IL16: variants seen among roughly 807,000 people sequenced by gnomAD.
IL16 encodes the protein interleukin 16, also known as pro-interleukin-16.
A neutral mutation model predicts 110.1 loss-of-function variants in IL16; 67 were observed. That is an observed-to-expected ratio of 0.61 (90% CI 0.50 to 0.75). The LOEUF is 0.75. Among genes scored for constraint, IL16 ranks in the 30% least tolerant of loss-of-function variants. The pLI is 0.00. For synonymous variants in IL16, 689 were observed against 662.9 expected, an observed-to-expected ratio of 1.04 and a Z score of -0.61; for missense variants, 1,545 against 1,655.0, an observed-to-expected ratio of 0.93 and a Z score of 1.15.
Position 81,300,230 on chromosome 15 carries a change from C to T in IL16, c.2904C>T (p.Pro968=), listed in dbSNP as rs148483108. 1.2e-6 allele frequency: 2 copies of T among 1,614,116 alleles called. No individual in the cohort carries two copies. The highest frequency in any genetic ancestry group is 1.3e-5 in the African/African-American group (1 of 74,932). ...CTAGCCAGCGAGCACGGAGCTTCCC[C>T]CTGACCAGGTCCCAGTCCTGTGAGA... ...KMPSQRARSF[P]LTRSQSCETK... is the part of the protein sequence containing the mutation. Residue 968 remains proline (P), a synonymous_variant, in exon 14 of 19, where the codon CCC becomes CCT. Coordinates refer to ENST00000683961, the MANE Select transcript of IL16 (RefSeq NM_172217.5).
At chr15:81,211,253 C>CTT (rs201687635) in intron 1 of IL16, among the ~76,000 whole-genome samples, 3 of 135,330 alleles carry the variant, frequency 2.2e-5, no homozygotes, top group Non-Finnish European at 3.2e-5. Flanking sequence ...TTTTTTCTTT[C>CTT]TTTTTTTTTT....
At chr15:81,233,024 GTATT>G (rs1224845190) in intron 2 of IL16, among the ~76,000 whole-genome samples, 1 of 152,072 alleles carries the variant, frequency 6.6e-6, no homozygotes, top group Non-Finnish European at 1.5e-5. Context: ...AATTATCACT[GTATT>G]TATTTAGTAG....
At chr15:81,214,797 T>C (rs538728735) in intron 1 of IL16, among the ~76,000 whole-genome samples, 67 of 152,328 alleles carry the variant, frequency 4.4e-4, no homozygotes, top group African/African-American at 1.6e-3. Context: ...ACTTTCATAA[T>C]TTTTAGAGAT....
At chr15:81,185,650 G>A (rs1183605685) in intron 1 of IL16, among the ~76,000 whole-genome samples, 1 of 152,100 alleles carries the variant, frequency 6.6e-6, no homozygotes, top group Non-Finnish European at 1.5e-5. Context: ...CACTGTGCTG[G>A]GCTCTGGGGA....
chr15:81,224,263 G>A (rs72744141), intron 1 of IL16, among the ~76,000 whole-genome samples: 5,023 of 152,266 alleles, frequency 0.033, 135 homozygotes, highest in Non-Finnish European at 0.052. Context: ...CTGGATGTGC[G>A]CAAACAGCAG....
chr15:81,204,982 G>A (rs1178956325), intron 1 of IL16, among the ~76,000 whole-genome samples: 1 of 151,958 alleles, frequency 6.6e-6, no homozygotes, highest in Non-Finnish European at 1.5e-5. Context: ...TCTCAGTGAC[G>A]GTTGTTAATA....
upstream of IL16, among the ~76,000 whole-genome samples, chr15:81,193,411 G>C (rs1225365836): frequency 1.3e-5 from 2 of 152,108 alleles, no homozygotes; most frequent in Non-Finnish European, 2.9e-5. Context: ...AATTCAAGGA[G>C]AAGTCCAGGC....
In IL16 at chr15:81,248,161, A is replaced by G. The variant is rs561803053; in HGVS notation, c.313-11611A>G. Reference sequence around the variant, plus strand: ...CAGTTATAATTTATATCCTGAGTTTATCTCTATTATTTTTGTTTGAATCTA... The same window carrying G: ...CAGTTATAATTTATATCCTGAGTTTGTCTCTATTATTTTTGTTTGAATCTA... On this transcript the variant is annotated intron_variant, in intron 2 of 18. Coordinates refer to ENST00000683961, the MANE Select transcript of IL16 (RefSeq NM_172217.5). 2.6e-5 allele frequency among the ~76,000 whole-genome samples: 4 copies of G among 152,240 alleles called. No individual in the cohort carries two copies. The South Asian group carries it at 8.3e-4, about 32-fold the overall frequency.
intron 15 of IL16, chr15:81,302,343 C>T (rs1900329750): frequency 1.3e-5 from 2 of 152,402 alleles, no homozygotes; most frequent in South Asian, 4.1e-4. Flanking sequence ...GGATCTTACT[C>T]AGTGCAAATG....
chr15:81,243,164 T>TATACATATATATA (rs60077602), intron 2 of IL16, among the ~76,000 whole-genome samples: 1 of 15,774 alleles, frequency 6.3e-5, no homozygotes, highest in Non-Finnish European at 1.1e-4. Flanking sequence ...TATATATATA[T>TATACATATATATA]TTTTTTTTTT....
At chr15:81,273,525 G>A (rs1012245403) in intron 6 of IL16, among the ~76,000 whole-genome samples, 2 of 152,002 alleles carry the variant, frequency 1.3e-5, no homozygotes, top group African/African-American at 2.4e-5. Context: ...CCATTCTCTC[G>A]GCTGTCTTTC....
Position 81,308,922 on chromosome 15 carries a change from T to A in IL16, c.*124T>A. 2 of 825,904 alleles carry A rather than the reference T, an allele frequency of 2.4e-6. No individual in the cohort carries two copies. 51.2% of individuals were successfully genotyped at this position (825,904 alleles called of 1,614,324 possible). ...GGGAAAGCACAGGTGGGCTTCCCAG[T>A]GGCTGCTGCCCAGGCCCAGACCTTC... On this transcript the variant is annotated 3_prime_UTR_variant, in exon 19 of 19. Coordinates refer to ENST00000683961, the MANE Select transcript of IL16 (RefSeq NM_172217.5).
At chr15:81,220,768 A>G (rs1400789666) in intron 1 of IL16, among the ~76,000 whole-genome samples, 2 of 148,016 alleles carry the variant, frequency 1.4e-5, no homozygotes, top group East Asian at 2.1e-4. Context: ...CAGGCACATG[A>G]CAGTTTCTCA....
rs189498092 is a variant in IL16 at position 81,276,324 on chromosome 15, C to A, written c.791-2493C>A. On this transcript the variant is annotated intron_variant, in intron 6 of 18. Transcript: ENST00000683961. ...AATCAAAATAAAGACGTGGAAATGC[C>A]CAGCTGCTAAGAAACAAAGAAACAA... Among the ~76,000 whole-genome samples, 7 of 152,254 alleles carry A rather than the reference C, an allele frequency of 4.6e-5. No individual in the cohort carries two copies. The East Asian group carries it at 1.3e-3, about 29-fold the overall frequency.
chr15:81,238,827 GT>G (rs370588345), intron 2 of IL16, among the ~76,000 whole-genome samples: 159 of 138,092 alleles, frequency 1.2e-3, no homozygotes, highest in East Asian at 2.8e-3. Flanking sequence ...AATTCTTTTA[GT>G]TTTTTTTTTT....
At chr15:81,283,727 TG>T (rs1265320739) in intron 9 of IL16, among the ~76,000 whole-genome samples, 4 of 152,338 alleles carry the variant, frequency 2.6e-5, no homozygotes, top group Non-Finnish European at 5.9e-5. Context: ...ATTAGTAAGT[TG>T]GGCACCATGG....
intron 13 of IL16, among the ~76,000 whole-genome samples, chr15:81,299,001 C>T (rs1900127719): frequency 6.6e-6 from 1 of 152,240 alleles, no homozygotes; most frequent in Non-Finnish European, 1.5e-5. Context: ...ATCTTGGAGG[C>T]TCCTTAGTGC....
intron 1 of IL16, among the ~76,000 whole-genome samples, chr15:81,185,193 A>T (rs997754013): frequency 3.3e-5 from 5 of 152,128 alleles, no homozygotes; most frequent in Non-Finnish European, 5.9e-5. Flanking sequence ...ACACTGCCAT[A>T]TGTCTTTGAT....
intron 1 of IL16, 33 bp from the exon 2 acceptor site, chr15:81,225,266 A>T: frequency 6.8e-7 from 1 of 1,473,522 alleles, no homozygotes; most frequent in East Asian, 2.5e-5. Context: ...GCAGCAAGTC[A>T]CATTGCTTCT....
Sources: gnomAD v4.1 joint callset for allele counts (sites outside exome capture counted in the v4.1 genomes callset) on GRCh38, gnomAD v4.1.1 for gene constraint, MANE v1.5 for transcripts, NCBI Gene and HGNC (gene_info 2026-07-23, HGNC 2026-07-21) for gene names.